The following SBNO2 variants were observed in gnomAD, a reference collection of about 807,000 sequenced individuals.
SBNO2 encodes the protein protein strawberry notch homolog 2.
SBNO2 carries 89 observed loss-of-function variants against 146.3 expected under a neutral mutation model. That is an observed-to-expected ratio of 0.61 (90% CI 0.51 to 0.73). SBNO2 has a LOEUF of 0.73. Ranked by LOEUF, SBNO2 falls within the 30% of genes least tolerant of loss-of-function variation. The probability of loss-of-function intolerance (pLI) is 0.00; values close to 1 mark genes in which losing one functional copy is unlikely to be tolerated. For synonymous variants in SBNO2, 1,147 were observed against 892.6 expected (o/e 1.29, Z -5.08); for missense variants, 2,092 against 2,003.7 (o/e 1.04, Z -0.84).
intron 5 of SBNO2, 123 bp from the exon 6 acceptor site, chr19:1,124,145 C>G (rs1400525311): frequency 1.8e-5 from 16 of 887,006 alleles, no homozygotes; most frequent in Non-Finnish European, 2.5e-5. Flanking sequence ...CATCCTCGCT[C>G]CCCAGGGCCC....
intron 11 of SBNO2, among the ~76,000 whole-genome samples, chr19:1,121,903 G>A (rs34530878): frequency 0.49 from 74,338 of 151,950 alleles, 18,475 homozygotes; most frequent in Admixed American, 0.55. Context: ...GACCAGAAAA[G>A]TCTTCTATCC....
rs1315457264 is a variant in SBNO2, at chr19:1,110,962, A to T, written c.2884+57T>A. The stretch of plus-strand genomic sequence containing the variant: ...CCTGCTTTGCTCACCACCCGAGGCC[A>T]AGGTTGCATGAGATGAGAGACAGGA... On this transcript the variant is annotated intron_variant, in intron 25 of 31. Coordinates refer to ENST00000361757, the MANE Select transcript of SBNO2 (RefSeq NM_014963.3). This position sits in a 1 kb window ranked among gnomAD's most constrained non-coding sequence, Gnocchi z 4.9. 1 of 1,610,584 alleles carries T rather than the reference A, an allele frequency of 6.2e-7. No homozygotes were observed. The highest frequency in any genetic ancestry group is 2.2e-5 in the East Asian group (1 of 44,640).
Position 1,140,741 on chromosome 19 carries a change from A to G in SBNO2, c.279+6568T>C, listed in dbSNP as rs1013261388. ...ATGCCCGCAGGCAGCTCCCACGGGC[A>G]GAGGCTGCTGACCCCGCCTTGGGCA... On this transcript the variant is annotated intron_variant, in intron 4 of 31. Transcript: ENST00000361757. The surrounding 1 kb of genome is among the most constrained non-coding windows in gnomAD (Gnocchi z 4.4). Among the ~76,000 whole-genome samples, 3 of 152,196 alleles carry G rather than the reference A, an allele frequency of 2.0e-5. No individual in the cohort carries two copies. Among genetic ancestry groups the G allele is most frequent in the Admixed American group, 6.5e-5 (1 of 15,288 alleles).
chr19:1,156,783 G>A (rs2080293424), intron 1 of SBNO2, among the ~76,000 whole-genome samples: 1 of 151,942 alleles, frequency 6.6e-6, no homozygotes, highest in Admixed American at 6.6e-5. Flanking sequence ...GCACTGTCCA[G>A]GACGGGCCCA....
chr19:1,151,486 G>A (rs572859747), intron 2 of SBNO2, among the ~76,000 whole-genome samples: 29 of 152,268 alleles, frequency 1.9e-4, no homozygotes, highest in Non-Finnish European at 3.5e-4. Context: ...ACACACACCC[G>A]AGTCCCACCC....
At chr19:1,145,837 C>T (rs1599864102) in intron 4 of SBNO2, among the ~76,000 whole-genome samples, 1 of 152,288 alleles carries the variant, frequency 6.6e-6, no homozygotes, top group East Asian at 1.9e-4. Flanking sequence ...GCGCACCTCG[C>T]TGACCTCAGC....
rs1267610133 is a variant in SBNO2, at chr19:1,108,661, C to T, written c.3660G>A (p.Glu1220=). 1.3e-6 allele frequency: 2 copies of T among 1,523,978 alleles called. No individual in the cohort carries two copies. Among genetic ancestry groups the T allele is most frequent in the African/African-American group, 1.4e-5 (1 of 70,652 alleles). The allele number at this position is 1,523,978 out of a possible 1,614,324, so 94.4% of individuals were successfully genotyped here. Residue 1220 remains glutamate (E), a synonymous_variant, in exon 32 of 32, where the codon GAG becomes GAA. Transcript: ENST00000361757. ...PEGCVRRVLQ[E]LRLMDADVKR... is the part of the protein sequence containing the mutation. Reference sequence around the variant, plus strand: ...TCACGTCCGCATCCATCAGCCGCAGCTCCTGCAGCACCCGGCGCACGCAGC... The same window carrying T: ...TCACGTCCGCATCCATCAGCCGCAGTTCCTGCAGCACCCGGCGCACGCAGC...
At chr19:1,165,062 A>C (rs2145347204) in intron 1 of SBNO2, among the ~76,000 whole-genome samples, 1 of 152,140 alleles carries the variant, frequency 6.6e-6, no homozygotes, top group East Asian at 1.9e-4. Flanking sequence ...GCCCTGAAGC[A>C]AACAAGGCGT....
intron 4 of SBNO2, among the ~76,000 whole-genome samples, chr19:1,130,362 G>T (rs572828420): frequency 6.6e-6 from 1 of 152,256 alleles, no homozygotes; most frequent in East Asian, 1.9e-4. Flanking sequence ...AGTCGGGCAG[G>T]GGGGAGCTCA....
chr19:1,152,577 G>A (rs999212894), intron 2 of SBNO2, among the ~76,000 whole-genome samples: 1 of 151,842 alleles, frequency 6.6e-6, no homozygotes, highest in Non-Finnish European at 1.5e-5. Context: ...CAACCCCAAG[G>A]GACTCAGGAA....
chr19:1,125,646 C>G (rs1184266453), intron 5 of SBNO2, among the ~76,000 whole-genome samples: 1 of 151,604 alleles, frequency 6.6e-6, no homozygotes, highest in African/African-American at 2.4e-5. Context: ...GCACTCCAGC[C>G]TGGGCGACAA....
At chr19:1,169,676 G>T (rs1599890827) in intron 1 of SBNO2, among the ~76,000 whole-genome samples, 1 of 152,126 alleles carries the variant, frequency 6.6e-6, no homozygotes, top group African/African-American at 2.4e-5. Context: ...CTGGCTGCAG[G>T]CTGCCTGACC....
chr19:1,122,928 G>A lies in SBNO2; in HGVS notation c.746C>T (p.Ala249Val). The A allele has an allele frequency of 6.4e-7, 1 of 1,556,624 alleles. No individual in the cohort carries two copies. Among genetic ancestry groups the A allele is most frequent in the Non-Finnish European group, 8.7e-7 (1 of 1,150,820 alleles). The change falls in exon 8 of 32, where the codon GCC (alanine) becomes GTC (valine). Residue 249 changes from alanine (A) to valine (V), a missense_variant. Coordinates refer to ENST00000361757, the MANE Select transcript of SBNO2 (RefSeq NM_014963.3). Reference protein sequence around the residue: ...ALPSDSGALSALQLEAITYAC... With the variant: ...ALPSDSGALSVLQLEAITYAC... ...GTAGGTGATGGCCTCTAGCTGCAGGGCAGACAGGGCCCCGCTGTCCGAGGG... is the reference window on the plus strand; with the variant it reads ...GTAGGTGATGGCCTCTAGCTGCAGGACAGACAGGGCCCCGCTGTCCGAGGG...
chr19:1,119,797 G>A (rs2145216562), intron 12 of SBNO2, 109 bp downstream of exon 12: 1 of 980,900 alleles, frequency 1.0e-6, no homozygotes, highest in Non-Finnish European at 1.5e-6. Flanking sequence ...CCGAGGAGGA[G>A]CAGGGTGCAG....
rs560243161 is a variant in SBNO2, at chr19:1,144,054, C to T, written c.279+3255G>A. On this transcript the variant is annotated intron_variant, in intron 4 of 31. Coordinates refer to ENST00000361757, the MANE Select transcript of SBNO2 (RefSeq NM_014963.3). This position sits in a 1 kb window ranked among gnomAD's most constrained non-coding sequence, Gnocchi z 4.1. ...CTGGGGGGCACGGCGCAAAGGGCCTCGAACACCAGGCTCAGGTCTGGGCTC... is the reference window on the plus strand; with the variant it reads ...CTGGGGGGCACGGCGCAAAGGGCCTTGAACACCAGGCTCAGGTCTGGGCTC... Among the ~76,000 whole-genome samples the T allele has an allele frequency of 7.9e-5, 12 of 152,328 alleles. No homozygotes were observed. In the South Asian group the frequency reaches 1.4e-3, roughly 18 times the overall value.
intron 17 of SBNO2, chr19:1,115,716 G>C (rs1357138534): frequency 2.0e-6 from 1 of 503,340 alleles, no homozygotes; most frequent in Non-Finnish European, 3.6e-6. Context: ...TGGAGACCCT[G>C]AAAACGGAAG....
chr19:1,122,375 TGCCCTGGCTGCTGGCCCACCCA>T, intron 10 of SBNO2, 71 bp downstream of exon 10: 2 of 1,515,942 alleles, frequency 1.3e-6, no homozygotes, highest in Non-Finnish European at 1.8e-6. Flanking sequence ...GGGCAGAGCC[TGCCCTGGCTGCTGGCCCACCCA>T]GCTGAGCAGC....
chr19:1,145,389 C>T (rs2145292448), intron 4 of SBNO2, among the ~76,000 whole-genome samples: 1 of 150,342 alleles, frequency 6.7e-6, no homozygotes, highest in South Asian at 2.1e-4. Context: ...AGGAAAATCG[C>T]TTGAACCTGG....
chr19:1,166,968 C>T (rs146368713), intron 1 of SBNO2, among the ~76,000 whole-genome samples: 16 of 152,328 alleles, frequency 1.1e-4, no homozygotes, highest in Admixed American at 9.8e-4. Flanking sequence ...GTGGCTCGAC[C>T]GGTCACCACT....
Sources: gnomAD v4.1 joint callset for allele counts (sites outside exome capture counted in the v4.1 genomes callset) on GRCh38, gnomAD v4.1.1 for gene constraint, Gnocchi (gnomAD v3.1) non-coding constraint, MANE v1.5 for transcripts, NCBI Gene and HGNC (gene_info 2026-07-23, HGNC 2026-07-21) for gene names.